SLC12A6: variants seen among roughly 807,000 people sequenced by gnomAD.
SLC12A6 encodes the protein solute carrier family 12 member 6, also known as K-Cl cotransporter 3.
In SLC12A6, 66 loss-of-function variants were observed where a neutral mutation model predicts 135.3. The ratio of observed to expected loss-of-function variants is 0.49; its 90% CI spans 0.40 to 0.60. The LOEUF (loss-of-function observed/expected upper bound fraction) is 0.60, where lower values mean the gene tolerates loss of function less well. Ranked by LOEUF, SLC12A6 falls within the 20% of genes least tolerant of loss-of-function variation. The pLI is 0.00. For missense variants in SLC12A6, 1,058 were observed against 1,452.3 expected, an observed-to-expected ratio of 0.73 and a Z score of 4.41; for synonymous variants, 513 against 508.8, an observed-to-expected ratio of 1.01 and a Z score of -0.11.
intron 2 of SLC12A6, among the ~76,000 whole-genome samples, chr15:34,310,159 A>C (rs970128887): frequency 2.7e-5 from 4 of 148,276 alleles, no homozygotes; most frequent in Non-Finnish European, 4.5e-5. Flanking sequence ...CAGGCACACA[A>C]CACCACGCCC....
chr15:34,301,744 CT>C (rs142291000), intron 2 of SLC12A6, among the ~76,000 whole-genome samples: 18,890 of 152,252 alleles, frequency 0.12, 1,565 homozygotes, highest in Non-Finnish European at 0.18. Flanking sequence ...AATCCCAGTG[CT>C]TTGGGAGGCC....
At chr15:34,304,755 T>C (rs74980439) in intron 2 of SLC12A6, among the ~76,000 whole-genome samples, 2,012 of 152,338 alleles carry the variant, frequency 0.013, 55 homozygotes, top group African/African-American at 0.046. Flanking sequence ...GACTTACTTA[T>C]CACATTGTAA....
At chr15:34,285,166 G>C (rs1894961096) in intron 2 of SLC12A6, among the ~76,000 whole-genome samples, 1 of 152,226 alleles carries the variant, frequency 6.6e-6, no homozygotes, top group Non-Finnish European at 1.5e-5. Flanking sequence ...AACAGCTATA[G>C]TCTGGAATGA....
chr15:34,267,472 T>C (rs1893605689), intron 3 of SLC12A6, among the ~76,000 whole-genome samples: 1 of 152,208 alleles, frequency 6.6e-6, no homozygotes, highest in South Asian at 2.1e-4. Flanking sequence ...TGTGAGGGAC[T>C]GTCCTGTGCA....
intron 2 of SLC12A6, among the ~76,000 whole-genome samples, chr15:34,290,361 G>A (rs1895430312): frequency 6.6e-6 from 1 of 152,098 alleles, no homozygotes; most frequent in Non-Finnish European, 1.5e-5. Context: ...TGTGATTTCT[G>A]TTTCTTTTAC....
chr15:34,250,490 A>C, intron 12 of SLC12A6, 135 bp from the exon 13 acceptor site: 1 of 836,788 alleles, frequency 1.2e-6, no homozygotes, highest in Non-Finnish European at 2.1e-6. Context: ...TGAATTTTCT[A>C]TATGAGGTAG....
intron 7 of SLC12A6, among the ~76,000 whole-genome samples, chr15:34,255,747 G>A (rs1437029799): frequency 6.6e-6 from 1 of 151,858 alleles, no homozygotes; most frequent in Non-Finnish European, 1.5e-5. Context: ...GAGGCGAGAG[G>A]ATTGCTTGAG....
At chr15:34,250,051 C>T (rs1892278294) in intron 13 of SLC12A6, among the ~76,000 whole-genome samples, 1 of 152,160 alleles carries the variant, frequency 6.6e-6, no homozygotes, top group Non-Finnish European at 1.5e-5. Flanking sequence ...ACTGTAGGTG[C>T]ACACCACCAC....
chr15:34,238,644 T>C, intron 20 of SLC12A6: 1 of 599,710 alleles, frequency 1.7e-6, no homozygotes, highest in Non-Finnish European at 3.0e-6. Context: ...GGGGGATATG[T>C]GAATTTGAGA....
intron 2 of SLC12A6, among the ~76,000 whole-genome samples, chr15:34,289,345 T>C (rs1400126106): frequency 1.3e-5 from 2 of 152,216 alleles, no homozygotes; most frequent in Non-Finnish European, 2.9e-5. Context: ...CACGTGCTCA[T>C]GGTGGATAAG....
At chr15:34,291,391 C>T (rs1424570120) in intron 2 of SLC12A6, among the ~76,000 whole-genome samples, 1 of 152,114 alleles carries the variant, frequency 6.6e-6, no homozygotes, top group Non-Finnish European at 1.5e-5. Context: ...GTAACCTGAC[C>T]TTTCTCTCTG....
chr15:34,243,600 T>C (rs1432178017), intron 16 of SLC12A6, among the ~76,000 whole-genome samples: 1 of 152,196 alleles, frequency 6.6e-6, no homozygotes, highest in Non-Finnish European at 1.5e-5. Flanking sequence ...GTTATGTGCT[T>C]TGCTGAAGGT....
chr15:34,269,584 C>T (rs935055183), intron 3 of SLC12A6, among the ~76,000 whole-genome samples: 1 of 152,186 alleles, frequency 6.6e-6, no homozygotes, highest in African/African-American at 2.4e-5. Context: ...GAAAGGTTAT[C>T]CCAAATGCTA....
chr15:34,312,269 C>T (rs1480007151), intron 2 of SLC12A6, among the ~76,000 whole-genome samples: 4 of 152,192 alleles, frequency 2.6e-5, no homozygotes, highest in East Asian at 1.9e-4. Context: ...GGGATCCTCC[C>T]GTACATCCTA....
chr15:34,276,922 T>C (rs1894335628), intron 2 of SLC12A6, among the ~76,000 whole-genome samples: 1 of 152,206 alleles, frequency 6.6e-6, no homozygotes. Flanking sequence ...ATACACTATA[T>C]ATTTTAATTA....
chr15:34,293,586 G>A (rs1173266917), intron 2 of SLC12A6, among the ~76,000 whole-genome samples: 1 of 152,198 alleles, frequency 6.6e-6, no homozygotes, highest in Non-Finnish European at 1.5e-5. Context: ...TTACAGGCAT[G>A]AGCCATCGCG....
chr15:34,282,189 G>T (rs1420881436), intron 2 of SLC12A6, among the ~76,000 whole-genome samples: 1 of 152,072 alleles, frequency 6.6e-6, no homozygotes, highest in Non-Finnish European at 1.5e-5. Context: ...ATAGGGATTT[G>T]GTAAGAAACG....
chr15:34,249,516 G>A (rs1285434035), intron 13 of SLC12A6, among the ~76,000 whole-genome samples: 1 of 152,174 alleles, frequency 6.6e-6, no homozygotes, highest in African/African-American at 2.4e-5. Context: ...GTAGGGAGCT[G>A]TCACTGCACC....
chr15:34,238,395 AC>A lies in SLC12A6; in HGVS notation c.2638del (p.Val880PhefsTer3). Reference protein sequence around the residue: ...ARAWKTFIGTVRVTTAAHLAL... With the variant: ...ARAWKTFIGTXRVTTAAHLAL... Reference sequence around the variant, plus strand: ...AAGATGGGCAGCAGTTGTCACTCGAACTGTGCCTAGGGAGAAAAAAGAATAA... The same window carrying A: ...AAGATGGGCAGCAGTTGTCACTCGAATGTGCCTAGGGAGAAAAAAGAATAA... On this transcript the variant is annotated frameshift_variant, in exon 21 of 26. Transcript: ENST00000354181. LOFTEE classifies it high-confidence loss of function. 1 of 1,612,784 alleles carries A rather than the reference AC, an allele frequency of 6.2e-7. No individual in the cohort carries two copies. Among genetic ancestry groups the A allele is most frequent in the Non-Finnish European group, 8.5e-7 (1 of 1,178,818 alleles).
Sources: allele counts gnomAD v4.1 joint callset (sites outside exome capture counted in the v4.1 genomes callset), GRCh38; gene constraint gnomAD v4.1.1; transcripts MANE v1.5; gene names NCBI Gene and HGNC (gene_info 2026-07-23, HGNC 2026-07-21).